The following MYO16 variants were observed in gnomAD, a reference collection of about 807,000 sequenced individuals.
MYO16 encodes myosin XVI, also known as unconventional myosin-XVI.
A neutral mutation model predicts 205.3 loss-of-function variants in MYO16; 94 were observed. The ratio of observed to expected loss-of-function variants is 0.46; its 90% CI spans 0.39 to 0.54. The LOEUF is 0.54. MYO16 is among the 20% of genes least tolerant of loss of function. MYO16 has a pLI of 0.00. For missense variants in MYO16, 2,315 were observed against 2,387.5 expected, an observed-to-expected ratio of 0.97 and a Z score of 0.63; for synonymous variants, 988 against 954.0, an observed-to-expected ratio of 1.04 and a Z score of -0.66.
intron 7 of MYO16, among the ~76,000 whole-genome samples, chr13:108,807,327 A>C (rs1887146115): frequency 6.6e-6 from 1 of 152,148 alleles, no homozygotes; most frequent in Admixed American, 6.6e-5. Flanking sequence ...AAATTTCAGT[A>C]GTGTAACTAT....
At chr13:109,100,926 T>A (rs1180567020) in intron 28 of MYO16, 39 bp downstream of exon 28, 19 of 1,559,414 alleles carry the variant, frequency 1.2e-5, no homozygotes, top group Non-Finnish European at 1.6e-5. Context: ...CATTTTAGGA[T>A]TTTAAATAAA....
chr13:108,857,064 T>C (rs924599347), intron 11 of MYO16, among the ~76,000 whole-genome samples: 1 of 152,190 alleles, frequency 6.6e-6, no homozygotes, highest in Admixed American at 6.5e-5. Context: ...ATCGCCTGCC[T>C]TCCTGCATCA....
chr13:109,025,849 C>T (rs1886345328), intron 23 of MYO16, among the ~76,000 whole-genome samples: 1 of 152,048 alleles, frequency 6.6e-6, no homozygotes, highest in African/African-American at 2.4e-5. Context: ...GATAGTAAAA[C>T]AACATTAAGT....
the MYO16 span, among the ~76,000 whole-genome samples, chr13:108,553,139 C>T: frequency 2.0e-5 from 3 of 150,296 alleles, no homozygotes; most frequent in African/African-American, 7.3e-5. Flanking sequence ...CTGCCTCAGC[C>T]TCCTGAGTAG....
chr13:108,760,779 T>C lies in MYO16; in HGVS notation c.508-24856T>C, dbSNP rs144529336. Among the ~76,000 whole-genome samples the C allele has an allele frequency of 4.8e-4, 73 of 152,236 alleles. 1 individual carries two copies. The South Asian group carries it at 9.1e-3, about 19-fold the overall frequency. On this transcript the variant is annotated intron_variant, in intron 4 of 34. Transcript: ENST00000457511. The stretch of plus-strand genomic sequence containing the variant: ...AAGGAGGAGGTGGCATGAGAACTGT[T>C]TGTTTGTACCTGTTAATCAATCGCT...
At chr13:108,890,476 G>A (rs1217356446) in intron 14 of MYO16, among the ~76,000 whole-genome samples, 2 of 152,128 alleles carry the variant, frequency 1.3e-5, no homozygotes, top group African/African-American at 4.8e-5. Flanking sequence ...GTCAGGTAGG[G>A]CCCAGGCCCT....
chr13:108,618,671 A>C (rs775027309), intron 1 of MYO16, among the ~76,000 whole-genome samples: 1 of 152,202 alleles, frequency 6.6e-6, no homozygotes, highest in Non-Finnish European at 1.5e-5. Context: ...ATCCATATGC[A>C]AAAGTACAGT....
intron 33 of MYO16, among the ~76,000 whole-genome samples, chr13:109,170,311 A>G (rs1295036985): frequency 6.6e-6 from 1 of 152,164 alleles, no homozygotes; most frequent in Non-Finnish European, 1.5e-5. Flanking sequence ...TAACTAGAGA[A>G]ATGTAACTGA....
intron 27 of MYO16, among the ~76,000 whole-genome samples, chr13:109,057,720 C>T (rs1030125568): frequency 4.6e-5 from 7 of 151,890 alleles, no homozygotes; most frequent in Non-Finnish European, 7.4e-5. Flanking sequence ...GCCTTTGGTT[C>T]GAGTTTAAAA....
intron 34 of MYO16, among the ~76,000 whole-genome samples, chr13:109,190,919 C>T (rs1208421690): frequency 6.6e-6 from 1 of 152,050 alleles, no homozygotes; most frequent in African/African-American, 2.4e-5. Context: ...GAGTGGATTG[C>T]ATAAAATTGA....
intron 20 of MYO16, among the ~76,000 whole-genome samples, chr13:108,979,640 C>G: frequency 6.6e-6 from 1 of 152,020 alleles, no homozygotes; most frequent in East Asian, 1.9e-4. Context: ...CGGAGACAAA[C>G]CTGCTTTCTA....
rs570033381 is a variant in MYO16 at position 109,081,491 on chromosome 13, C to T, written c.3336-19294C>T. Among the ~76,000 whole-genome samples, 6 of 152,196 alleles carry T rather than the reference C, an allele frequency of 3.9e-5. No homozygotes were observed. In the East Asian group the frequency reaches 7.7e-4, roughly 20 times the overall value. On this transcript the variant is annotated intron_variant, in intron 27 of 34. Coordinates refer to ENST00000457511, the MANE Select transcript of MYO16 (RefSeq NM_001198950.3). ...GGGAAAGTTGGGGTGACAGACACCC[C>T]GCACTGTGGTGGGGGTCAGCAGAGC... is the stretch of plus-strand genomic sequence containing the variant.
chr13:108,667,916 T>C (rs531090672), intron 2 of MYO16, among the ~76,000 whole-genome samples: 1 of 152,006 alleles, frequency 6.6e-6, no homozygotes, highest in African/African-American at 2.4e-5. Flanking sequence ...GACCTGGTGG[T>C]GCATGCCCAG....
At chr13:108,583,614 A>G in the MYO16 span, among the ~76,000 whole-genome samples, 1 of 152,170 alleles carries the variant, frequency 6.6e-6, no homozygotes, top group Non-Finnish European at 1.5e-5. Flanking sequence ...TTGCATTTAT[A>G]TGGGTAATTC....
the MYO16 span, among the ~76,000 whole-genome samples, chr13:108,548,689 A>G: frequency 6.6e-6 from 1 of 151,942 alleles, no homozygotes; most frequent in Non-Finnish European, 1.5e-5. Flanking sequence ...TGATGGTGGT[A>G]ATGATGATGA....
intron 10 of MYO16, among the ~76,000 whole-genome samples, chr13:108,854,108 C>T (rs1878044626): frequency 6.6e-6 from 1 of 152,050 alleles, no homozygotes; most frequent in Non-Finnish European, 1.5e-5. Flanking sequence ...ATTCTCGTGC[C>T]TCAGCTTCCT....
intron 31 of MYO16, among the ~76,000 whole-genome samples, chr13:109,135,344 G>A (rs1470201225): frequency 1.3e-5 from 2 of 152,200 alleles, no homozygotes; most frequent in Non-Finnish European, 2.9e-5. Context: ...CAGTTCCCAG[G>A]CTGGAAATAA....
intron 4 of MYO16, among the ~76,000 whole-genome samples, chr13:108,776,567 G>A (rs1886130674): frequency 6.6e-6 from 1 of 152,156 alleles, no homozygotes; most frequent in Non-Finnish European, 1.5e-5. Context: ...GTACATGCGT[G>A]TATCCTTATC....
At chr13:109,102,476 GTA>G (rs1292370870) in intron 28 of MYO16, among the ~76,000 whole-genome samples, 1 of 127,166 alleles carries the variant, frequency 7.9e-6, no homozygotes, top group Non-Finnish European at 1.6e-5. Flanking sequence ...ATATGTATAT[GTA>G]TGTGTATATA....
Sources: gnomAD v4.1 joint callset for allele counts (sites outside exome capture counted in the v4.1 genomes callset) on GRCh38, gnomAD v4.1.1 for gene constraint, MANE v1.5 for transcripts, NCBI Gene and HGNC (gene_info 2026-07-23, HGNC 2026-07-21) for gene names.